CTNNBL1: variants seen among roughly 807,000 people sequenced by gnomAD.
The protein encoded by CTNNBL1 is catenin beta like 1.
In CTNNBL1, 31 loss-of-function variants were observed where a neutral mutation model predicts 72.7. The ratio of observed to expected loss-of-function variants is 0.43; its 90% CI spans 0.32 to 0.58. The LOEUF (loss-of-function observed/expected upper bound fraction) is 0.58. Among genes scored for constraint, CTNNBL1 ranks in the 20% least tolerant of loss-of-function variants. The pLI is 0.08. For synonymous variants in CTNNBL1, 240 were observed against 267.3 expected, an observed-to-expected ratio of 0.90 and a Z score of 1.00; for missense variants, 534 against 725.1, an observed-to-expected ratio of 0.74 and a Z score of 3.03.
Position 37,871,943 on chromosome 20 carries a change from G to C in CTNNBL1, c.1622G>C (p.Gly541Ala). 1 of 1,614,088 alleles carries C rather than the reference G, an allele frequency of 6.2e-7. No homozygotes were observed. Among genetic ancestry groups the C allele is most frequent in the Non-Finnish European group, 8.5e-7 (1 of 1,179,986 alleles). The change falls in exon 16 of 16, where the codon GGG becomes GCG. Residue 541 changes from glycine to alanine, a missense_variant. By Grantham distance (60) the Gly-to-Ala change is moderately conservative. Coordinates refer to ENST00000361383, the MANE Select transcript of CTNNBL1 (RefSeq NM_030877.5). ...CCCCTAGAGTATGCAGAGAACATCG[G>C]GGACGGCCGGAGCCCGGAGTTCCGG... ...HIIKEYAENI[G>A]DGRSPEFREN... is the part of the protein sequence containing the mutation.
rs3746463 is a variant in CTNNBL1, at chr20:37,871,909, A to T, written c.1604-16A>T. 1 of 1,611,588 alleles carries T rather than the reference A, an allele frequency of 6.2e-7. No homozygotes were observed. Among genetic ancestry groups the T allele is most frequent in the South Asian group, 1.1e-5 (1 of 91,006 alleles). On this transcript the variant is annotated splice_polypyrimidine_tract_variant and intron_variant, in intron 15 of 15. Coordinates refer to ENST00000361383, the MANE Select transcript of CTNNBL1 (RefSeq NM_030877.5). The stretch of plus-strand genomic sequence containing the variant: ...ATGCCTGGGATCCACTCCTGACTCT[A>T]TCTTTGTCCCCCTAGAGTATGCAGA...
chr20:37,780,686 G>C (rs956094317), intron 10 of CTNNBL1, among the ~76,000 whole-genome samples: 1 of 152,108 alleles, frequency 6.6e-6, no homozygotes, highest in Non-Finnish European at 1.5e-5. Context: ...AAATTCTACA[G>C]TGACCATTTT....
At chr20:37,724,799 A>G (rs1302356667) in intron 1 of CTNNBL1, among the ~76,000 whole-genome samples, 2 of 152,206 alleles carry the variant, frequency 1.3e-5, no homozygotes, top group African/African-American at 4.8e-5. Flanking sequence ...CACAAATTCA[A>G]TGAAAAGTAT....
intron 10 of CTNNBL1, among the ~76,000 whole-genome samples, chr20:37,793,198 T>C (rs1254729555): frequency 1.3e-5 from 2 of 152,242 alleles, no homozygotes; most frequent in African/African-American, 4.8e-5. Context: ...TCCTGTCTTA[T>C]TCTATCGATT....
chr20:37,727,109 A>G (rs2073091557), intron 1 of CTNNBL1, among the ~76,000 whole-genome samples: 1 of 152,074 alleles, frequency 6.6e-6, no homozygotes, highest in Non-Finnish European at 1.5e-5. Context: ...ATATAACTGC[A>G]TGTTCCCACA....
At chr20:37,776,592 C>T (rs1421396721) in intron 7 of CTNNBL1, among the ~76,000 whole-genome samples, 1 of 152,028 alleles carries the variant, frequency 6.6e-6, no homozygotes, top group East Asian at 1.9e-4. Flanking sequence ...GCACCTTTAT[C>T]CAGGGGGCAG....
At chr20:37,863,465 C>T (rs1412756235) in intron 15 of CTNNBL1, among the ~76,000 whole-genome samples, 1 of 152,168 alleles carries the variant, frequency 6.6e-6, no homozygotes, top group Non-Finnish European at 1.5e-5. Flanking sequence ...GAGGGAGTGG[C>T]ACGGAGGCAG....
chr20:37,868,792 T>G (rs2072558673), intron 15 of CTNNBL1, among the ~76,000 whole-genome samples: 1 of 152,208 alleles, frequency 6.6e-6, no homozygotes, highest in African/African-American at 2.4e-5. Flanking sequence ...CCGGCTTTAC[T>G]GTTGGAAAAT....
rs866029001 is a variant in CTNNBL1, at chr20:37,718,557, C to G, written c.31-14322C>G. Among the ~76,000 whole-genome samples, 102 of 149,704 alleles carry G rather than the reference C, an allele frequency of 6.8e-4. 1 individual carries two copies. The South Asian group carries it at 8.5e-3, about 12-fold the overall frequency. On this transcript the variant is annotated intron_variant, in intron 1 of 15. Transcript: ENST00000361383. ...GCGGCCGGGCAGAGGCGCCCCTCAC[C>G]TCCCCGACAGGGCGGATGGCCGGGC... is the stretch of plus-strand genomic sequence containing the variant.
intron 10 of CTNNBL1, among the ~76,000 whole-genome samples, chr20:37,800,791 G>A (rs1322969618): frequency 6.6e-6 from 1 of 152,140 alleles, no homozygotes; most frequent in Non-Finnish European, 1.5e-5. Flanking sequence ...TTCCCTCCCT[G>A]ATCGAAGCTA....
intron 1 of CTNNBL1, among the ~76,000 whole-genome samples, chr20:37,708,956 G>A (rs1334104828): frequency 6.6e-6 from 1 of 152,096 alleles, no homozygotes; most frequent in Non-Finnish European, 1.5e-5. Context: ...GGCCAACATG[G>A]TGAAACCCTG....
intron 1 of CTNNBL1, 28 bp from the exon 2 acceptor site, chr20:37,732,851 C>T (rs1173387137): frequency 6.2e-7 from 1 of 1,607,442 alleles, no homozygotes; most frequent in South Asian, 1.1e-5. Flanking sequence ...GTATCCAGCT[C>T]TAAAATCTTA....
At chr20:37,830,799 T>G (rs970980080) in intron 11 of CTNNBL1, among the ~76,000 whole-genome samples, 1 of 152,196 alleles carries the variant, frequency 6.6e-6, no homozygotes, top group African/African-American at 2.4e-5. Context: ...CAAAATCATT[T>G]AACACAAAAC....
intron 4 of CTNNBL1, among the ~76,000 whole-genome samples, chr20:37,755,847 G>A (rs1229182938): frequency 6.6e-6 from 1 of 152,186 alleles, no homozygotes; most frequent in African/African-American, 2.4e-5. Context: ...CACACATGCT[G>A]TCCACATGGT....
chr20:37,712,026 A>G (rs191409811), intron 1 of CTNNBL1, among the ~76,000 whole-genome samples: 25 of 152,334 alleles, frequency 1.6e-4, no homozygotes, highest in Non-Finnish European at 1.5e-5. Context: ...GGAGAATTGT[A>G]GAGGAGCATT....
intron 4 of CTNNBL1, 109 bp downstream of exon 4, chr20:37,746,716 G>T: frequency 7.5e-7 from 1 of 1,334,964 alleles, no homozygotes; most frequent in Non-Finnish European, 1.1e-6. Flanking sequence ...CTGATGTTCT[G>T]TTTCCATTCT....
intron 1 of CTNNBL1, among the ~76,000 whole-genome samples, chr20:37,718,600 C>G (rs187178311): frequency 0.044 from 6,713 of 151,664 alleles, 239 homozygotes; most frequent in Non-Finnish European, 0.062. Flanking sequence ...TGACCCCCCC[C>G]ACCTCCCTCC....
intron 15 of CTNNBL1, among the ~76,000 whole-genome samples, chr20:37,864,608 A>C (rs1179962747): frequency 6.6e-6 from 1 of 152,156 alleles, no homozygotes; most frequent in African/African-American, 2.4e-5. Flanking sequence ...CCTTCCCCAG[A>C]ACCAGCAGCA....
At chr20:37,813,268 G>T (rs2072028053) in intron 11 of CTNNBL1, among the ~76,000 whole-genome samples, 1 of 152,190 alleles carries the variant, frequency 6.6e-6, no homozygotes, top group Non-Finnish European at 1.5e-5. Context: ...GACCTGGAAG[G>T]ACCTGTAGAG....
Sources: allele counts gnomAD v4.1 joint callset (sites outside exome capture counted in the v4.1 genomes callset), GRCh38; gene constraint gnomAD v4.1.1; transcripts MANE v1.5; gene names NCBI Gene and HGNC (gene_info 2026-07-23, HGNC 2026-07-21).